Variants in PRLR observed in about 807,000 individuals in gnomAD.
PRLR encodes the protein prolactin receptor.
Under a neutral mutation model 40.2 loss-of-function variants are expected in PRLR, and 13 were observed. That is an observed-to-expected ratio of 0.32 (90% CI 0.21 to 0.51). The LOEUF (loss-of-function observed/expected upper bound fraction) is 0.51. Among genes scored for constraint, PRLR ranks in the 20% least tolerant of loss-of-function variants. PRLR has a pLI of 0.97. For synonymous variants in PRLR, 269 were observed against 278.7 expected (o/e 0.97, Z 0.35); for missense variants, 656 against 747.3 (o/e 0.88, Z 1.42).
intron 1 of PRLR, among the ~76,000 whole-genome samples, chr5:35,149,650 T>C (rs568093654): frequency 1.6e-4 from 25 of 152,326 alleles, no homozygotes; most frequent in Middle Eastern, 3.4e-3. Flanking sequence ...TAAACACATC[T>C]TAAAGATACT....
chr5:35,089,378 CA>C (rs1771063531), intron 3 of PRLR, among the ~76,000 whole-genome samples, 172 bp downstream of exon 3: 1 of 152,174 alleles, frequency 6.6e-6, no homozygotes, highest in South Asian at 2.1e-4. Context: ...GCATTAATTG[CA>C]TTAATTTTTC....
intron 2 of PRLR, 138 bp from the exon 3 acceptor site, chr5:35,089,801 G>C (rs1331394355): frequency 4.9e-6 from 3 of 606,976 alleles, no homozygotes; most frequent in African/African-American, 1.8e-5. Context: ...AGGAATGTAG[G>C]AAAATGTAAC....
intron 2 of PRLR, among the ~76,000 whole-genome samples, chr5:35,114,454 A>G (rs778143669): frequency 6.6e-6 from 1 of 152,222 alleles, no homozygotes; most frequent in Non-Finnish European, 1.5e-5. Context: ...GCAAGGCTTG[A>G]TAAATGCTCC....
rs576027164 is a variant in PRLR, at chr5:35,139,660, A to G, written c.-105-21538T>C. On this transcript the variant is annotated intron_variant, in intron 1 of 9. Coordinates refer to ENST00000618457, the MANE Select transcript of PRLR (RefSeq NM_000949.7). ...AGGTTAAAGATAAAGTAATGAAACA[A>G]AATGCCCATTATAGTCTAACTTTTA... Among the ~76,000 whole-genome samples the G allele has an allele frequency of 6.6e-5, 10 of 152,360 alleles. No homozygotes were observed. In the East Asian group the frequency reaches 1.9e-3, roughly 29 times the overall value.
At chr5:35,106,206 T>G (rs560020631) in intron 2 of PRLR, among the ~76,000 whole-genome samples, 26 of 152,266 alleles carry the variant, frequency 1.7e-4, no homozygotes, top group African/African-American at 6.3e-4. Flanking sequence ...AGGCCTGCCT[T>G]ACAAGAGCTC....
At chr5:35,183,517 G>A (rs1775346581) in intron 1 of PRLR, among the ~76,000 whole-genome samples, 1 of 152,186 alleles carries the variant, frequency 6.6e-6, no homozygotes, top group South Asian at 2.1e-4. Flanking sequence ...GCAGCCTGTG[G>A]TATGCCTTCT....
rs75321074 is a variant in PRLR at position 35,097,413 on chromosome 5, C to T, written c.-43-7750G>A. Among the ~76,000 whole-genome samples the T allele has an allele frequency of 8.1e-4, 123 of 152,268 alleles. 1 individual carries two copies. The East Asian group carries it at 0.018, about 22-fold the overall frequency. ...AGATGAGGACACTGAGGCCCAGAGA[C>T]GGTCTGCGAGTTGTCCAAGGTCACA... On this transcript the variant is annotated intron_variant, in intron 2 of 9. Transcript: ENST00000618457.
At chr5:35,215,768 G>T (rs1170776727) in intron 1 of PRLR, among the ~76,000 whole-genome samples, 3 of 151,784 alleles carry the variant, frequency 2.0e-5, no homozygotes. Context: ...GGGCACGGTG[G>T]CGCATGCCTG....
At chr5:35,226,327 TCATAACCTTGGACTAGCTC>T (rs1436254060) in intron 1 of PRLR, among the ~76,000 whole-genome samples, 2 of 152,220 alleles carry the variant, frequency 1.3e-5, no homozygotes, top group South Asian at 2.1e-4. Flanking sequence ...AATACCAGCT[TCATAACCTTGGACTAGCTC>T]CATAACCTTG....
chr5:35,214,157 T>G (rs1271020095), intron 1 of PRLR, among the ~76,000 whole-genome samples: 4 of 152,224 alleles, frequency 2.6e-5, no homozygotes, highest in Non-Finnish European at 5.9e-5. Flanking sequence ...TGGCTCTGGT[T>G]TGCCTGCTGG....
At position 35,089,981 on chromosome 5, in the gene PRLR, A is replaced by G. The variant is rs16871640; in HGVS notation, c.-43-318T>C. 8.6e-3 allele frequency among the ~76,000 whole-genome samples: 1,304 copies of G among 152,260 alleles called. 19 individuals carry two copies. Among genetic ancestry groups the G allele is most frequent in the African/African-American group, 0.03 (1,227 of 41,542 alleles). ...TCTCTTTCCACCCCATAGCCACCTA[A>G]CAATATATCATCCATCTTATGTAAC... On this transcript the variant is annotated intron_variant, in intron 2 of 9. Coordinates refer to ENST00000618457, the MANE Select transcript of PRLR (RefSeq NM_000949.7).
intron 1 of PRLR, among the ~76,000 whole-genome samples, chr5:35,223,141 A>ACCC (rs1445980877): frequency 1.3e-5 from 2 of 152,314 alleles, no homozygotes; most frequent in African/African-American, 2.4e-5. Flanking sequence ...CTACATACAA[A>ACCC]TGTGCATGTA....
intron 1 of PRLR, among the ~76,000 whole-genome samples, chr5:35,183,472 C>A (rs1775345634): frequency 6.6e-6 from 1 of 152,128 alleles, no homozygotes; most frequent in Admixed American, 6.5e-5. Flanking sequence ...CTTGATATAT[C>A]CTGGCCTTAA....
chr5:35,214,624 G>A (rs899081685), intron 1 of PRLR, among the ~76,000 whole-genome samples: 4 of 152,140 alleles, frequency 2.6e-5, no homozygotes, highest in Non-Finnish European at 4.4e-5. Flanking sequence ...AGTGGTACAG[G>A]CTTGAAGCAA....
intron 1 of PRLR, among the ~76,000 whole-genome samples, chr5:35,156,136 A>AAC (rs1049939002): frequency 2.7e-5 from 4 of 149,928 alleles, no homozygotes; most frequent in African/African-American, 1.0e-4. Flanking sequence ...ATAAAAAAAA[A>AAC]AAACAAAAAA....
chr5:35,070,369 A>C, intron 6 of PRLR, 104 bp from the exon 7 acceptor site: 1 of 1,254,128 alleles, frequency 8.0e-7, no homozygotes, highest in African/African-American at 1.5e-5. Flanking sequence ...AATCATATAC[A>C]GAGAATTCCC....
chr5:35,207,608 G>A (rs1776055057), intron 1 of PRLR, among the ~76,000 whole-genome samples: 1 of 143,750 alleles, frequency 7.0e-6, no homozygotes, highest in Non-Finnish European at 1.5e-5. Flanking sequence ...AATTACCAAT[G>A]GGAGATTGTG....
At chr5:35,205,096 T>C (rs1484415174) in intron 1 of PRLR, among the ~76,000 whole-genome samples, 6 of 152,122 alleles carry the variant, frequency 3.9e-5, no homozygotes, top group Non-Finnish European at 7.4e-5. Flanking sequence ...TTATTCATAC[T>C]AACTTGGACT....
chr5:35,111,143 G>T (rs1772639616), intron 2 of PRLR, among the ~76,000 whole-genome samples: 1 of 152,122 alleles, frequency 6.6e-6, no homozygotes, highest in Admixed American at 6.6e-5. Context: ...TATTTAGAGG[G>T]CAACTGGTAA....
Sources: allele counts gnomAD v4.1 joint callset (sites outside exome capture counted in the v4.1 genomes callset), GRCh38; gene constraint gnomAD v4.1.1; transcripts MANE v1.5; gene names NCBI Gene and HGNC (gene_info 2026-07-23, HGNC 2026-07-21).